Variants in ANKRD31 observed in about 807,000 individuals in gnomAD.
ANKRD31 encodes ankyrin repeat domain-containing protein 31.
ANKRD31 carries 147 observed loss-of-function variants against 186.0 expected under a neutral mutation model. The observed-to-expected ratio is 0.79, with a 90% CI of 0.69 to 0.91. The LOEUF (loss-of-function observed/expected upper bound fraction) is 0.91, where lower values mean the gene tolerates loss of function less well. ANKRD31 is among the 40% of genes least tolerant of loss of function. ANKRD31 has a pLI of 0.00. For synonymous variants in ANKRD31, 673 were observed against 736.4 expected (o/e 0.91, Z 1.39); for missense variants, 1,986 against 2,148.8 (o/e 0.92, Z 1.50).
At chr5:75,217,873 T>C (rs990876313) in intron 3 of ANKRD31, among the ~76,000 whole-genome samples, 5 of 152,206 alleles carry the variant, frequency 3.3e-5, no homozygotes, top group Non-Finnish European at 5.9e-5. Flanking sequence ...TACTTAAGTG[T>C]GTTTTTGTAG....
intron 5 of ANKRD31, among the ~76,000 whole-genome samples, chr5:75,202,127 C>T (rs1274269776): frequency 6.6e-6 from 1 of 152,180 alleles, no homozygotes; most frequent in Admixed American, 6.5e-5. Context: ...CTAGGCTGTG[C>T]CCTGACCACC....
At chr5:75,102,231 G>C (rs573564806) in intron 22 of ANKRD31, among the ~76,000 whole-genome samples, 1 of 152,324 alleles carries the variant, frequency 6.6e-6, no homozygotes, top group South Asian at 2.1e-4. Flanking sequence ...ATCACCAGCA[G>C]AGGCTGCAGA....
intron 17 of ANKRD31, among the ~76,000 whole-genome samples, chr5:75,133,076 C>T (rs113989785): frequency 0.094 from 14,239 of 152,116 alleles, 1,796 homozygotes; most frequent in African/African-American, 0.29. Flanking sequence ...TTGTAAAGAC[C>T]GTCGATGCTA....
At chr5:75,094,425 C>A (rs1017579135) in intron 22 of ANKRD31, among the ~76,000 whole-genome samples, 1 of 152,106 alleles carries the variant, frequency 6.6e-6, no homozygotes, top group East Asian at 1.9e-4. Context: ...ACAGAAGTAA[C>A]ATTTCTATAT....
At chr5:75,111,551 G>C (rs1308725471) in intron 20 of ANKRD31, among the ~76,000 whole-genome samples, 1 of 152,144 alleles carries the variant, frequency 6.6e-6, no homozygotes, top group Non-Finnish European at 1.5e-5. Context: ...GTTAGGACAA[G>C]AGATGAACAG....
At chr5:75,172,156 C>T (rs1019412397) in intron 10 of ANKRD31, among the ~76,000 whole-genome samples, 2 of 151,718 alleles carry the variant, frequency 1.3e-5, no homozygotes, top group African/African-American at 4.8e-5. Flanking sequence ...ATGCAAAAAC[C>T]CTTATTATAG....
At position 75,088,267 on chromosome 5, in the gene ANKRD31, A is replaced by G. The variant is rs114254954; in HGVS notation, c.5472+2994T>C. On this transcript the variant is annotated intron_variant, in intron 23 of 25. Coordinates refer to ENST00000506364, the MANE Select transcript of ANKRD31 (RefSeq NM_001372053.1). ...GGGGGGTGAGGGGAACCACAGAAAA[A>G]AGTGATCACTAAATCCAAAGGAATG... Among the ~76,000 whole-genome samples, 153 of 152,256 alleles carry G rather than the reference A, an allele frequency of 1.0e-3. 1 individual carries two copies. The highest frequency in any genetic ancestry group is 3.6e-3 in the African/African-American group (150 of 41,542).
chr5:75,069,553 GT>G (rs1017448325), intron 25 of ANKRD31, among the ~76,000 whole-genome samples: 9 of 147,784 alleles, frequency 6.1e-5, no homozygotes, highest in Admixed American at 3.4e-4. Flanking sequence ...TTGTTTTTTG[GT>G]TTTTTTTTTG....
At position 75,084,390 on chromosome 5, in the gene ANKRD31, C is replaced by A; in HGVS notation, c.5473-16G>T. On this transcript the variant is annotated splice_polypyrimidine_tract_variant and intron_variant, in intron 23 of 25. Coordinates refer to ENST00000506364, the MANE Select transcript of ANKRD31 (RefSeq NM_001372053.1). ...GATACGTTACCTGCACATAATTAAG[C>A]ACAAAATTTATAAATCATACATTCT... The A allele has an allele frequency of 6.7e-7, 1 of 1,493,702 alleles. No individual in the cohort carries two copies. Among genetic ancestry groups the A allele is most frequent in the Non-Finnish European group, 9.0e-7 (1 of 1,107,302 alleles). 92.5% of individuals were successfully genotyped at this position (1,493,702 alleles called of 1,614,324 possible). A position where few individuals can be genotyped will look rare whatever the true frequency, so the allele number is the denominator to read the frequency against.
intron 19 of ANKRD31, among the ~76,000 whole-genome samples, chr5:75,112,856 A>C (rs572991808): frequency 6.6e-6 from 1 of 152,320 alleles, no homozygotes; most frequent in African/African-American, 2.4e-5. Flanking sequence ...AGTAGCAATC[A>C]CAAGAAATCA....
In ANKRD31 at chr5:75,193,414, C is replaced by G. The variant is rs545416553; in HGVS notation, c.1195G>C (p.Ala399Pro). 3.3e-6 allele frequency: 5 copies of G among 1,537,094 alleles called. No homozygotes were observed. In the African/African-American group the frequency reaches 6.9e-5, roughly 21 times the overall value. The change falls in exon 8 of 26, where the codon GCA becomes CCA. Residue 399 changes from alanine to proline, a missense_variant. Physicochemically the swap from Ala to Pro is conservative, Grantham distance 27. Transcript: ENST00000506364. ...TTATACATGTGATCTGAGTACTTTG[C>G]ATCTCTGCTTACTTTCAGTTTTTCT... ...RLEKLKVSRD[A>P]KYSDHMYKMP...
chr5:75,212,749 C>G (rs775097355), intron 3 of ANKRD31, among the ~76,000 whole-genome samples: 1 of 152,182 alleles, frequency 6.6e-6, no homozygotes, highest in Non-Finnish European at 1.5e-5. Flanking sequence ...AACCTACTGG[C>G]TTTTGTCACT....
At chr5:75,210,688 C>T (rs1051632359) in intron 4 of ANKRD31, 140 bp downstream of exon 4, 5 of 549,264 alleles carry the variant, frequency 9.1e-6, no homozygotes, top group Non-Finnish European at 1.5e-5. Context: ...TGTAAAATAA[C>T]ATATACTTTT....
intron 22 of ANKRD31, among the ~76,000 whole-genome samples, chr5:75,101,771 C>T (rs191346447): frequency 1.3e-3 from 194 of 152,324 alleles, no homozygotes; most frequent in Middle Eastern, 3.4e-3. Flanking sequence ...TGGTTTTCAG[C>T]TCCATCAGGT....
chr5:75,228,602 T>A (rs1757776674), intron 2 of ANKRD31, among the ~76,000 whole-genome samples: 1 of 152,104 alleles, frequency 6.6e-6, no homozygotes, highest in Non-Finnish European at 1.5e-5. Flanking sequence ...TATAGTGGCA[T>A]ACAAAAGATT....
At chr5:75,142,505 C>T (rs1410040963) in intron 15 of ANKRD31, among the ~76,000 whole-genome samples, 1 of 152,090 alleles carries the variant, frequency 6.6e-6, no homozygotes, top group African/African-American at 2.4e-5. Flanking sequence ...CTTTTCTATA[C>T]CTTTTTGGAA....
At chr5:75,104,146 A>G (rs1747134545) in intron 22 of ANKRD31, 82 bp downstream of exon 22, 1 of 1,217,478 alleles carries the variant, frequency 8.2e-7, no homozygotes, top group Non-Finnish European at 1.1e-6. Context: ...AATCAGAGCT[A>G]AATGTCTATA....
At chr5:75,128,074 T>C (rs1246418416) in intron 17 of ANKRD31, among the ~76,000 whole-genome samples, 3 of 152,166 alleles carry the variant, frequency 2.0e-5, no homozygotes, top group African/African-American at 7.2e-5. Flanking sequence ...AGCTTTCCTT[T>C]TTACTTTCCA....
intron 15 of ANKRD31, among the ~76,000 whole-genome samples, chr5:75,141,053 C>A (rs914814301): frequency 2.0e-5 from 3 of 152,132 alleles, no homozygotes; most frequent in Non-Finnish European, 4.4e-5. Flanking sequence ...TTTTAACAAG[C>A]TTTTCAGGTA....
Sources: allele counts gnomAD v4.1 joint callset (sites outside exome capture counted in the v4.1 genomes callset), GRCh38; gene constraint gnomAD v4.1.1; transcripts MANE v1.5; gene names NCBI Gene and HGNC (gene_info 2026-07-23, HGNC 2026-07-21).